The following CDYL variants were observed in gnomAD, a reference collection of about 807,000 sequenced individuals.
CDYL encodes the protein chromodomain Y like.
In CDYL, 8 loss-of-function variants were observed where a neutral mutation model predicts 47.3. That is an observed-to-expected ratio of 0.17 (90% CI 0.10 to 0.31). The LOEUF (loss-of-function observed/expected upper bound fraction) is 0.31, where lower values mean the gene tolerates loss of function less well. Ranked by LOEUF, CDYL falls within the 10% of genes least tolerant of loss-of-function variation. The pLI, the probability that CDYL is intolerant of heterozygous loss-of-function variation, is 1.00. For missense variants in CDYL, 471 were observed against 701.4 expected (o/e 0.67, Z 3.71); for synonymous variants, 266 against 265.0 (o/e 1.00, Z -0.04).
intron 1 of CDYL, among the ~76,000 whole-genome samples, chr6:4,829,902 A>G (rs868044230): frequency 6.6e-6 from 1 of 152,250 alleles, no homozygotes. Context: ...CAGCAAGTAC[A>G]AGTAAAAATA....
intron 1 of CDYL, among the ~76,000 whole-genome samples, chr6:4,803,437 C>G (rs549148714): frequency 7.9e-5 from 12 of 152,346 alleles, no homozygotes; most frequent in African/African-American, 2.6e-4. Context: ...CCATTCTCCT[C>G]CATCTGCCTT....
chr6:4,826,110 C>T (rs193076498), intron 1 of CDYL, among the ~76,000 whole-genome samples: 3 of 152,272 alleles, frequency 2.0e-5, no homozygotes, highest in East Asian at 3.9e-4. Flanking sequence ...AAAATAGAAT[C>T]GACTAGGATC....
chr6:4,757,119 T>C (rs1403795826), intron 3 of CDYL, among the ~76,000 whole-genome samples: 1 of 152,208 alleles, frequency 6.6e-6, no homozygotes, highest in Non-Finnish European at 1.5e-5. Flanking sequence ...TTTTTAAAAG[T>C]TTGTTGGATA....
chr6:4,777,163 T>C (rs946147804), intron 1 of CDYL, among the ~76,000 whole-genome samples: 1 of 48,828 alleles, frequency 2.0e-5, no homozygotes, highest in African/African-American at 1.1e-4. Flanking sequence ...GTACGGGGGG[T>C]GGGGTGTGGG....
intron 1 of CDYL, among the ~76,000 whole-genome samples, chr6:4,832,313 T>G (rs1308132545): frequency 6.6e-6 from 1 of 152,086 alleles, no homozygotes; most frequent in East Asian, 1.9e-4. Flanking sequence ...CAAAGGCCTT[T>G]TCTGCATCTA....
intron 1 of CDYL, among the ~76,000 whole-genome samples, chr6:4,831,907 A>G (rs1041015918): frequency 1.3e-5 from 2 of 151,774 alleles, no homozygotes; most frequent in Non-Finnish European, 2.9e-5. Flanking sequence ...AATGCTTGTG[A>G]TTTTTGTACA....
chr6:4,788,449 C>G (rs2127433588), intron 1 of CDYL, among the ~76,000 whole-genome samples: 1 of 135,956 alleles, frequency 7.4e-6, no homozygotes, highest in African/African-American at 2.8e-5. Context: ...CCTCACTGCA[C>G]TCCAGCCTGG....
chr6:4,735,954 G>A (rs1757696098), intron 3 of CDYL, among the ~76,000 whole-genome samples: 1 of 151,878 alleles, frequency 6.6e-6, no homozygotes, highest in African/African-American at 2.4e-5. Flanking sequence ...TACCCTCTTG[G>A]TAAATGCTCA....
intron 1 of CDYL, among the ~76,000 whole-genome samples, chr6:4,819,731 G>T (rs1759780483): frequency 6.6e-6 from 1 of 152,164 alleles, no homozygotes. Context: ...TCACCCTCAA[G>T]GGACATTTGG....
chr6:4,743,894 A>G (rs1351871401), intron 3 of CDYL, among the ~76,000 whole-genome samples: 1 of 152,252 alleles, frequency 6.6e-6, no homozygotes, highest in Non-Finnish European at 1.5e-5. Context: ...AATAACTTGT[A>G]CCTGAGAGTA....
intron 5 of CDYL, among the ~76,000 whole-genome samples, chr6:4,947,689 G>A (rs1018560901): frequency 1.3e-5 from 2 of 152,170 alleles, no homozygotes; most frequent in African/African-American, 4.8e-5. Flanking sequence ...GTCACAAGGT[G>A]GTTTCTCTGG....
At chr6:4,750,622 G>A (rs1032368781) in intron 3 of CDYL, among the ~76,000 whole-genome samples, 6 of 152,172 alleles carry the variant, frequency 3.9e-5, no homozygotes, top group Non-Finnish European at 7.3e-5. Flanking sequence ...AGCTGTGATC[G>A]TGCCACTGCA....
intron 2 of CDYL, among the ~76,000 whole-genome samples, chr6:4,902,415 A>G (rs554212325): frequency 6.6e-6 from 1 of 151,976 alleles, no homozygotes; most frequent in African/African-American, 2.4e-5. Context: ...AAAAAAAAAA[A>G]AAAAAAGACA....
chr6:4,837,630 A>G (rs1243909223), intron 1 of CDYL, among the ~76,000 whole-genome samples: 1 of 151,648 alleles, frequency 6.6e-6, no homozygotes, highest in African/African-American at 2.4e-5. Context: ...ATGCCTGGCT[A>G]ATTTTTGTAT....
intron 5 of CDYL, among the ~76,000 whole-genome samples, chr6:4,945,684 A>G (rs1159134054): frequency 6.6e-6 from 1 of 152,228 alleles, no homozygotes; most frequent in African/African-American, 2.4e-5. Context: ...TGTGCTACAA[A>G]TCAGAAAACG....
intron 1 of CDYL, among the ~76,000 whole-genome samples, chr6:4,869,252 T>C (rs562891056): frequency 6.6e-6 from 1 of 152,134 alleles, no homozygotes; most frequent in Non-Finnish European, 1.5e-5. Flanking sequence ...CCCACCACCA[T>C]GCCCAGCTAA....
At chr6:4,765,159 T>G (rs575300999) in intron 3 of CDYL, among the ~76,000 whole-genome samples, 1 of 152,038 alleles carries the variant, frequency 6.6e-6, no homozygotes, top group Non-Finnish European at 1.5e-5. Context: ...CCATCTCTAC[T>G]AAAGTACAGA....
At chr6:4,770,158 A>G (rs1758317840) in intron 3 of CDYL, among the ~76,000 whole-genome samples, 1 of 151,976 alleles carries the variant, frequency 6.6e-6, no homozygotes. Flanking sequence ...TTTCCTGACA[A>G]CTTAATGTCT....
chr6:4,894,911 GTATA>G (rs1466218976), intron 2 of CDYL, among the ~76,000 whole-genome samples: 12 of 127,670 alleles, frequency 9.4e-5, no homozygotes, highest in Admixed American at 8.0e-4. Flanking sequence ...ACGTACGTGT[GTATA>G]TATACACATA....
Sources: gnomAD v4.1 joint callset for allele counts (sites outside exome capture counted in the v4.1 genomes callset) on GRCh38, gnomAD v4.1.1 for gene constraint, MANE v1.5 for transcripts, NCBI Gene and HGNC (gene_info 2026-07-23, HGNC 2026-07-21) for gene names.